Variants in ADARB2 observed in about 807,000 individuals in gnomAD.
The protein encoded by ADARB2 is inactive double-stranded RNA-specific editase B2.
A neutral mutation model predicts 62.2 loss-of-function variants in ADARB2; 25 were observed. That is an observed-to-expected ratio of 0.40 (90% CI 0.29 to 0.56). The LOEUF (loss-of-function observed/expected upper bound fraction) is 0.56. Among genes scored for constraint, ADARB2 ranks in the 20% least tolerant of loss-of-function variants. ADARB2 has a pLI of 0.43. For synonymous variants in ADARB2, 572 were observed against 500.8 expected (o/e 1.14, Z -1.90); for missense variants, 1,071 against 1,077.4 (o/e 0.99, Z 0.08).
At chr10:1,278,985 C>A (rs1234333679) in intron 3 of ADARB2, among the ~76,000 whole-genome samples, 2 of 152,166 alleles carry the variant, frequency 1.3e-5, no homozygotes, top group Non-Finnish European at 2.9e-5. Context: ...GATGAATTAT[C>A]TAAAAAGTAA....
intron 2 of ADARB2, among the ~76,000 whole-genome samples, chr10:1,367,983 C>A (rs1222729458): frequency 6.6e-6 from 1 of 152,184 alleles, no homozygotes; most frequent in Non-Finnish European, 1.5e-5. Flanking sequence ...ACTTCAGGGG[C>A]CTGTCCTGGA....
chr10:1,547,148 A>T (rs548558770), intron 1 of ADARB2, among the ~76,000 whole-genome samples: 218 of 152,342 alleles, frequency 1.4e-3, no homozygotes, highest in Non-Finnish European at 1.9e-3. Context: ...TGCAGGTGAC[A>T]TCATTACCTT....
chr10:1,584,033 C>T (rs1833140884), intron 1 of ADARB2, among the ~76,000 whole-genome samples: 1 of 152,112 alleles, frequency 6.6e-6, no homozygotes, highest in South Asian at 2.1e-4. Context: ...AGCTATAAAA[C>T]TCCTACAAGA....
At chr10:1,424,100 G>A (rs1164305301) in intron 1 of ADARB2, among the ~76,000 whole-genome samples, 1 of 152,154 alleles carries the variant, frequency 6.6e-6, no homozygotes, top group Non-Finnish European at 1.5e-5. Flanking sequence ...CACTGTGTAT[G>A]CAGAAGGTCC....
chr10:1,430,917 G>A (rs747883435), intron 1 of ADARB2, among the ~76,000 whole-genome samples: 1 of 152,086 alleles, frequency 6.6e-6, no homozygotes, highest in African/African-American at 2.4e-5. Context: ...AATATATAAA[G>A]CAAAAAGTGA....
intron 1 of ADARB2, among the ~76,000 whole-genome samples, chr10:1,622,107 T>C (rs933030244): frequency 6.6e-6 from 1 of 152,208 alleles, no homozygotes; most frequent in African/African-American, 2.4e-5. Context: ...GAAAGGATAC[T>C]CTTTTCAAGA....
At chr10:1,344,605 C>T (rs1408949460) in intron 3 of ADARB2, among the ~76,000 whole-genome samples, 3 of 152,224 alleles carry the variant, frequency 2.0e-5, no homozygotes, top group Non-Finnish European at 4.4e-5. Flanking sequence ...CTTCTGGCAG[C>T]CACAGGGAGT....
intron 1 of ADARB2, among the ~76,000 whole-genome samples, chr10:1,715,653 A>G (rs1835007881): frequency 6.6e-6 from 1 of 152,250 alleles, no homozygotes; most frequent in African/African-American, 2.4e-5. Flanking sequence ...GCTAGTTCTT[A>G]TTTTCAAGCA....
intron 7 of ADARB2, among the ~76,000 whole-genome samples, chr10:1,215,473 C>T (rs1837221146): frequency 6.6e-6 from 1 of 152,224 alleles, no homozygotes; most frequent in Non-Finnish European, 1.5e-5. Context: ...GCTTCCTGGC[C>T]CTCCCCACTC....
intron 4 of ADARB2, among the ~76,000 whole-genome samples, chr10:1,260,791 G>A (rs1319360419): frequency 2.5e-5 from 3 of 121,160 alleles, no homozygotes; most frequent in African/African-American, 5.5e-5. Context: ...TCACAGAATT[G>A]GAAAAAACTA....
intron 1 of ADARB2, among the ~76,000 whole-genome samples, chr10:1,410,737 CTG>C (rs1485718214): frequency 6.6e-6 from 1 of 152,188 alleles, no homozygotes; most frequent in Non-Finnish European, 1.5e-5. Context: ...GTCAGCCAGT[CTG>C]TGCTTTGATT....
rs188878269 is a variant in ADARB2 at position 1,663,159 on chromosome 10, C to T, written c.100+73892G>A. Among the ~76,000 whole-genome samples, 367 of 152,308 alleles carry T rather than the reference C, an allele frequency of 2.4e-3. 3 individuals carry two copies. Among genetic ancestry groups the T allele is most frequent in the Middle Eastern group, 0.014 (4 of 294 alleles). On this transcript the variant is annotated intron_variant, in intron 1 of 9. Coordinates refer to ENST00000381312, the MANE Select transcript of ADARB2 (RefSeq NM_018702.4). ...TGATCAACTATTTTAGAGCAGTTTT[C>T]GGTTTACAGAAAAGTTGAGCAGAAA...
chr10:1,300,004 G>C (rs1196872747), intron 3 of ADARB2, among the ~76,000 whole-genome samples: 1 of 152,148 alleles, frequency 6.6e-6, no homozygotes, highest in Non-Finnish European at 1.5e-5. Flanking sequence ...GAGGACCCTG[G>C]AGGCAGAGGT....
intron 1 of ADARB2, among the ~76,000 whole-genome samples, chr10:1,431,766 A>T (rs79849781): frequency 2.0e-5 from 3 of 152,160 alleles, no homozygotes. Flanking sequence ...GGAATGAAAT[A>T]GGTGCTATTA....
chr10:1,547,436 G>A (rs1832540065), intron 1 of ADARB2, among the ~76,000 whole-genome samples: 1 of 88,612 alleles, frequency 1.1e-5, no homozygotes. Flanking sequence ...GGGGAGAGAG[G>A]CTGTGCAAGT....
intron 7 of ADARB2, among the ~76,000 whole-genome samples, chr10:1,213,657 C>T (rs750008495): frequency 2.0e-5 from 3 of 152,196 alleles, no homozygotes; most frequent in African/African-American, 4.8e-5. Flanking sequence ...CCCAGAGCCA[C>T]GGGTGTGACA....
At chr10:1,331,830 G>C (rs78637121) in intron 3 of ADARB2, among the ~76,000 whole-genome samples, 1,840 of 152,114 alleles carry the variant, frequency 0.012, 14 homozygotes, top group Non-Finnish European at 0.019. Context: ...TCTACATATC[G>C]CACACTTTGA....
At position 1,225,659 on chromosome 10, in the gene ADARB2, C is replaced by A. The variant is rs569975268; in HGVS notation, c.1513+8035G>T. On this transcript the variant is annotated intron_variant, in intron 6 of 9. Transcript: ENST00000381312. ...TTGTCTGTAAAGTATTTTATTTCTC[C>A]TTCACTTATGAAGCTTAGTTTGGCT... Among the ~76,000 whole-genome samples, 3 of 150,420 alleles carry A rather than the reference C, an allele frequency of 2.0e-5. No individual in the cohort carries two copies. The South Asian group carries it at 6.6e-4, about 33-fold the overall frequency.
chr10:1,432,070 T>C (rs1176596234), intron 1 of ADARB2, among the ~76,000 whole-genome samples: 1 of 152,198 alleles, frequency 6.6e-6, no homozygotes, highest in African/African-American at 2.4e-5. Context: ...CAGTTCATTA[T>C]AATATATTAA....
Sources: allele counts gnomAD v4.1 joint callset (sites outside exome capture counted in the v4.1 genomes callset), GRCh38; gene constraint gnomAD v4.1.1; transcripts MANE v1.5; gene names NCBI Gene and HGNC (gene_info 2026-07-23, HGNC 2026-07-21).